Variants in WDR35 observed in about 807,000 individuals in gnomAD.
The protein encoded by WDR35 is WD repeat-containing protein 35.
WDR35 carries 118 observed loss-of-function variants against 158.3 expected under a neutral mutation model. That is an observed-to-expected ratio of 0.75 (90% CI 0.64 to 0.87). The LOEUF (loss-of-function observed/expected upper bound fraction) is 0.87. Ranked by LOEUF, WDR35 falls within the 40% of genes least tolerant of loss-of-function variation. The probability of loss-of-function intolerance (pLI) is 0.00; values close to 1 mark genes in which losing one functional copy is unlikely to be tolerated. For missense variants in WDR35, 1,263 were observed against 1,405.8 expected (o/e 0.90, Z 1.62); for synonymous variants, 448 against 476.1 (o/e 0.94, Z 0.77).
intron 11 of WDR35, among the ~76,000 whole-genome samples, chr2:19,955,951 T>C (rs527553702): frequency 6.6e-6 from 1 of 152,290 alleles, no homozygotes; most frequent in South Asian, 2.1e-4. Context: ...CAAGATTTTT[T>C]CATTCAAAAT....
At chr2:19,948,281 A>G in intron 13 of WDR35, 64 bp from the exon 14 acceptor site, 1 of 1,422,518 alleles carries the variant, frequency 7.0e-7, no homozygotes, top group Non-Finnish European at 9.8e-7. Flanking sequence ...ACCTGGTACA[A>G]CGTAGTATGC....
rs557298367 is a variant in WDR35 at position 19,931,731 on chromosome 2, A to T, written c.2824-322T>A. On this transcript the variant is annotated intron_variant, in intron 23 of 26. Coordinates refer to ENST00000281405, the MANE Select transcript of WDR35 (RefSeq NM_020779.4). Reference sequence around the variant, plus strand: ...TGCTGGTATTTTCCATAATACAGAGATTTTTAAAATAATGTTCCAAGTACA... The same window carrying T: ...TGCTGGTATTTTCCATAATACAGAGTTTTTTAAAATAATGTTCCAAGTACA... Among the ~76,000 whole-genome samples the T allele has an allele frequency of 3.3e-5, 5 of 152,254 alleles. No homozygotes were observed. The East Asian group carries it at 9.6e-4, about 29-fold the overall frequency.
chr2:19,954,131 A>G (rs957983209), intron 11 of WDR35, among the ~76,000 whole-genome samples, 153 bp from the exon 12 acceptor site: 1 of 152,222 alleles, frequency 6.6e-6, no homozygotes, highest in Non-Finnish European at 1.5e-5. Flanking sequence ...AGTCTCTGAA[A>G]TCAGAAAAGA....
intron 2 of WDR35, among the ~76,000 whole-genome samples, chr2:19,986,305 G>A (rs1282862120): frequency 6.6e-6 from 1 of 152,142 alleles, no homozygotes; most frequent in Admixed American, 6.5e-5. Context: ...AATCAGGACT[G>A]GGCTGGAGAT....
chr2:19,983,188 C>T (rs374590878), intron 2 of WDR35, among the ~76,000 whole-genome samples: 11 of 152,234 alleles, frequency 7.2e-5, no homozygotes, highest in African/African-American at 2.6e-4. Context: ...ATCAGAAGAA[C>T]TGATATTTAA....
At chr2:19,982,354 C>T in intron 3 of WDR35, 109 bp downstream of exon 3, 1 of 1,057,626 alleles carries the variant, frequency 9.5e-7, no homozygotes, top group Non-Finnish European at 1.4e-6. Flanking sequence ...AGCATCTGTA[C>T]TGTAAATATT....
chr2:19,918,655 A>C (rs1449206283), intron 25 of WDR35, among the ~76,000 whole-genome samples: 1 of 152,270 alleles, frequency 6.6e-6, no homozygotes, highest in Non-Finnish European at 1.5e-5. Flanking sequence ...AAAGAAGGGC[A>C]TTACATAATG....
chr2:19,935,814 T>C (rs1670675224), intron 20 of WDR35, among the ~76,000 whole-genome samples: 1 of 152,120 alleles, frequency 6.6e-6, no homozygotes, highest in Non-Finnish European at 1.5e-5. Context: ...TCTTAAGAAA[T>C]ACCACCGCTT....
At chr2:19,963,366 A>C (rs1671730762) in intron 10 of WDR35, among the ~76,000 whole-genome samples, 1 of 134,308 alleles carries the variant, frequency 7.4e-6, no homozygotes, top group East Asian at 1.9e-4. Context: ...TGTAGTCGAT[A>C]ATTGTATTTT....
chr2:19,963,519 C>T (rs1671736746), intron 10 of WDR35, among the ~76,000 whole-genome samples: 1 of 152,106 alleles, frequency 6.6e-6, no homozygotes, highest in Non-Finnish European at 1.5e-5. Flanking sequence ...GCCTTCTGAC[C>T]TCTCATCTGA....
At chr2:19,942,180 T>C (rs561367705) in intron 16 of WDR35, among the ~76,000 whole-genome samples, 1 of 152,170 alleles carries the variant, frequency 6.6e-6, no homozygotes, top group Non-Finnish European at 1.5e-5. Context: ...CCTAATAGCA[T>C]GTAATATTCA....
chr2:19,947,511 A>G (rs1304304291), intron 14 of WDR35, among the ~76,000 whole-genome samples: 2 of 152,212 alleles, frequency 1.3e-5, no homozygotes, highest in Admixed American at 6.5e-5. Flanking sequence ...TCTAAAATTA[A>G]TATTTTCAAA....
intron 25 of WDR35, among the ~76,000 whole-genome samples, chr2:19,920,591 C>A (rs1670139636): frequency 6.6e-6 from 1 of 152,096 alleles, no homozygotes; most frequent in Non-Finnish European, 1.5e-5. Flanking sequence ...AAAATAATAA[C>A]AGCCATTTAT....
chr2:19,959,874 A>G (rs1483995309), intron 11 of WDR35, among the ~76,000 whole-genome samples: 1 of 152,090 alleles, frequency 6.6e-6, no homozygotes, highest in Non-Finnish European at 1.5e-5. Context: ...GAAAATCATT[A>G]CTTTTGGAAG....
chr2:19,915,081 T>C (rs183778985), intron 25 of WDR35, among the ~76,000 whole-genome samples: 66 of 152,182 alleles, frequency 4.3e-4, no homozygotes, highest in African/African-American at 1.5e-3. Flanking sequence ...ACTTAAAGTA[T>C]AATAAAAAAA....
At position 19,913,205 on chromosome 2, in the gene WDR35, A is replaced by G. The variant is rs1331665695; in HGVS notation, c.*353T>C. ...CACTCCCATGCTTCCCCCACTCCCT[A>G]CTCCCTTCAAGATTTTTTAATGAAT... is the stretch of plus-strand genomic sequence containing the variant. On this transcript the variant is annotated 3_prime_UTR_variant, in exon 27 of 27. Coordinates refer to ENST00000281405, the MANE Select transcript of WDR35 (RefSeq NM_020779.4). 3.0e-5 allele frequency: 6 copies of G among 201,758 alleles called. No individual in the cohort carries two copies. Among genetic ancestry groups the G allele is most frequent in the African/African-American group, 1.2e-4 (5 of 42,110 alleles). 12.5% of individuals were successfully genotyped at this position (201,758 alleles called of 1,614,324 possible). A position where few individuals can be genotyped will look rare whatever the true frequency, so the allele number is the denominator to read the frequency against.
chr2:19,923,731 G>A (rs1193022413), intron 25 of WDR35, among the ~76,000 whole-genome samples: 5 of 152,106 alleles, frequency 3.3e-5, no homozygotes, highest in Non-Finnish European at 7.4e-5. Flanking sequence ...TAGACGAGAG[G>A]GTGATTTACA....
rs1161172671 is a variant in WDR35 at position 19,912,282 on chromosome 2, G to C, written c.*1276C>G. 2 of 152,190 alleles carry C rather than the reference G, an allele frequency of 1.3e-5. No individual in the cohort carries two copies. The highest frequency in any genetic ancestry group is 2.4e-5 in the African/African-American group (1 of 41,442). 9.4% of individuals were successfully genotyped at this position (152,190 alleles called of 1,614,324 possible). On this transcript the variant is annotated 3_prime_UTR_variant, in exon 27 of 27. Coordinates refer to ENST00000281405, the MANE Select transcript of WDR35 (RefSeq NM_020779.4). Reference sequence around the variant, plus strand: ...TTTCTGTTCCATGACCTCTGGAATAGCTTGCGAGGCAGTCTATTTAGAGGC... The same window carrying C: ...TTTCTGTTCCATGACCTCTGGAATACCTTGCGAGGCAGTCTATTTAGAGGC...
chr2:19,966,669 A>T (rs1174032538), intron 10 of WDR35, 55 bp downstream of exon 10: 1 of 1,590,084 alleles, frequency 6.3e-7, no homozygotes, highest in Non-Finnish European at 8.6e-7. Flanking sequence ...AAGGTAGAAA[A>T]CTATAACCCA....
Sources: allele counts gnomAD v4.1 joint callset (sites outside exome capture counted in the v4.1 genomes callset), GRCh38; gene constraint gnomAD v4.1.1; transcripts MANE v1.5; gene names NCBI Gene and HGNC (gene_info 2026-07-23, HGNC 2026-07-21).